HLA-DRB1: variants seen among roughly 807,000 people sequenced by gnomAD.
HLA-DRB1 encodes the protein major histocompatibility complex, class II, DR beta 1 precursor.
Under a neutral mutation model 27.9 loss-of-function variants are expected in HLA-DRB1, and 10 were observed. That is an observed-to-expected ratio of 0.36 (90% CI 0.22 to 0.61). HLA-DRB1 has a LOEUF of 0.61. HLA-DRB1 is among the 20% of genes least tolerant of loss of function. HLA-DRB1 has a pLI of 0.73. For missense variants in HLA-DRB1, 118 were observed against 306.3 expected (o/e 0.39, Z 4.59); for synonymous variants, 57 against 126.7 (o/e 0.45, Z 3.69).
Position 32,582,396 on chromosome 6 carries a change from C to T in HLA-DRB1, c.371-558G>A, listed in dbSNP as rs1303060014. On this transcript the variant is annotated intron_variant, in intron 2 of 5. Transcript: ENST00000360004. The stretch of plus-strand genomic sequence containing the variant: ...GCACTCATCACACTTGAGTGCTCCA[C>T]TTGGCACCTATTTATCATCCTTGTA... Among the ~76,000 whole-genome samples the T allele has an allele frequency of 7.3e-4, 90 of 123,514 alleles. 1 individual carries two copies. The highest frequency in any genetic ancestry group is 9.9e-4 in the Non-Finnish European group (59 of 59,422). 81.0% of individuals were successfully genotyped at this position (123,514 alleles called of 152,430 possible). A position where few individuals can be genotyped will look rare whatever the true frequency, so the allele number is the denominator to read the frequency against.
intron 1 of HLA-DRB1, among the ~76,000 whole-genome samples, chr6:32,585,345 A>C (rs1776243951): frequency 1.2e-5 from 1 of 82,990 alleles, no homozygotes; most frequent in Non-Finnish European, 2.5e-5. Context: ...CTCTATAATC[A>C]GAAAACCTGA....
At chr6:32,580,481 G>T (rs34961181) in intron 4 of HLA-DRB1, among the ~76,000 whole-genome samples, 40 of 116,408 alleles carry the variant, frequency 3.4e-4, no homozygotes, top group Admixed American at 9.2e-4. Context: ...TAGCCTTAGT[G>T]GCTCTTCCTT....
chr6:32,588,495 TAA>T (rs1776855766), intron 1 of HLA-DRB1, among the ~76,000 whole-genome samples: 6 of 69,412 alleles, frequency 8.6e-5, no homozygotes, highest in Admixed American at 1.7e-4. Flanking sequence ...CTCATAGTGC[TAA>T]GGTTCTGTGC....
intron 4 of HLA-DRB1, 81 bp downstream of exon 4, chr6:32,580,665 A>G (rs3828820): frequency 0.038 from 44,837 of 1,182,306 alleles, 28 homozygotes; most frequent in Admixed American, 0.078. Context: ...CCACTCATAT[A>G]CTGAGAACTA....
intron 1 of HLA-DRB1, among the ~76,000 whole-genome samples, chr6:32,587,014 C>A (rs113645514): frequency 1.3e-5 from 1 of 76,790 alleles, no homozygotes; most frequent in Non-Finnish European, 2.7e-5. Context: ...CCCTGCTGTG[C>A]TCCTAAATAG....
At chr6:32,586,248 A>AAG (rs1776373623) in intron 1 of HLA-DRB1, among the ~76,000 whole-genome samples, 1 of 71,406 alleles carries the variant, frequency 1.4e-5, no homozygotes, top group Admixed American at 1.7e-4. Flanking sequence ...CCAGAGAACA[A>AAG]TCCTTCCCTG....
intron 1 of HLA-DRB1, among the ~76,000 whole-genome samples, chr6:32,585,905 G>T (rs1399003276): frequency 7.4e-6 from 1 of 135,726 alleles, no homozygotes. Context: ...TATTGAAATT[G>T]AATACTGAAA....
Position 32,584,196 on chromosome 6 carries a change from C to A in HLA-DRB1, c.283G>T (p.Asp95Tyr). 3 of 1,399,456 alleles carry A rather than the reference C, an allele frequency of 2.1e-6. 1 individual carries two copies. The highest frequency in any genetic ancestry group is 2.4e-5 in the East Asian group (1 of 41,546). The allele number at this position is 1,399,456 out of a possible 1,614,324, so 86.7% of individuals were successfully genotyped here. A position where few individuals can be genotyped will look rare whatever the true frequency, so the allele number is the denominator to read the frequency against. The change falls in exon 2 of 6, where the codon GAC becomes TAC. Residue 95 changes from aspartate (D) to tyrosine (Y), a missense_variant. This residue lies in a region of HLA-DRB1 where 22 missense variants were observed against 21.0 expected (regional missense o/e 1.05). Transcript: ENST00000360004. ...GCGGCCCGCGCCTGCTCCAGGATGTCCTTCTGGCTGTTCCAGTACTCAGCG... is the reference window on the plus strand; with the variant it reads ...GCGGCCCGCGCCTGCTCCAGGATGTACTTCTGGCTGTTCCAGTACTCAGCG...
intron 2 of HLA-DRB1, among the ~76,000 whole-genome samples, chr6:32,582,334 G>A (rs111498499): frequency 0.12 from 15,401 of 126,934 alleles, 2,006 homozygotes; most frequent in Non-Finnish European, 0.13. Flanking sequence ...TTCAGTTTAT[G>A]AGGTCAGAAA....
intron 1 of HLA-DRB1, among the ~76,000 whole-genome samples, chr6:32,584,877 T>A (rs765511901): frequency 8.7e-6 from 1 of 115,556 alleles, no homozygotes; most frequent in Admixed American, 9.1e-5. Flanking sequence ...TGGGGGAGCT[T>A]AAAGAGCAGT....
Position 32,584,352 on chromosome 6 carries a change from C to G in HLA-DRB1, c.127G>C (p.Glu43Gln). ...TCCGTCCCATTGAAGAAATGACACTCCCTCTTAGGCTGCCACAGGAAACGT... is the reference window on the plus strand; with the variant it reads ...TCCGTCCCATTGAAGAAATGACACTGCCTCTTAGGCTGCCACAGGAAACGT... Residue 43 changes from glutamate (E) to glutamine (Q), a missense_variant, in exon 2 of 6, where the codon GAG becomes CAG. Coordinates refer to ENST00000360004, the Ensembl canonical transcript of HLA-DRB1. 2 of 831,492 alleles carry G rather than the reference C, an allele frequency of 2.4e-6. 1 individual carries two copies. Among genetic ancestry groups the G allele is most frequent in the African/African-American group, 4.1e-5 (2 of 48,404 alleles). 51.5% of individuals were successfully genotyped at this position (831,492 alleles called of 1,614,324 possible).
intron 1 of HLA-DRB1, among the ~76,000 whole-genome samples, chr6:32,587,255 G>A (rs9270123): frequency 0.32 from 16,347 of 51,372 alleles, 7,038 homozygotes; most frequent in Non-Finnish European, 0.35. Context: ...GGTGGCATGC[G>A]CCTGTGGCCC....
At chr6:32,583,501 G>C (rs9269904) in intron 2 of HLA-DRB1, among the ~76,000 whole-genome samples, 23,814 of 49,586 alleles carry the variant, frequency 0.48, 10,196 homozygotes, top group Admixed American at 0.53. Context: ...AAAAAACTAG[G>C]AAGAAATTTA....
rs201755843 is a variant in HLA-DRB1 at position 32,579,376 on chromosome 6, G to A, written c.788-272C>T. On this transcript the variant is annotated intron_variant, in intron 5 of 5. Coordinates refer to ENST00000360004, the Ensembl canonical transcript of HLA-DRB1. ...CTCTACCATCATTCTGGTGTGTCCT[G>A]AGTTTGTTCCTTCCGGTGGGTTTGT... 4.6e-3 allele frequency among the ~76,000 whole-genome samples: 336 copies of A among 73,078 alleles called. 18 individuals carry two copies. The highest frequency in any genetic ancestry group is 0.018 in the South Asian group (39 of 2,166). 47.9% of individuals were successfully genotyped at this position (73,078 alleles called of 152,430 possible).
At position 32,579,224 on chromosome 6, in the gene HLA-DRB1, C is replaced by T. The variant is rs1581754780; in HGVS notation, c.788-120G>A. On this transcript the variant is annotated intron_variant, in intron 5 of 5. Coordinates refer to ENST00000360004, the Ensembl canonical transcript of HLA-DRB1. ...AGAAGAAAAAGAAGTTCCTGAGTCTCCCCTGAGCCAATAGTCCCGCAGAGC... is the reference window on the plus strand; with the variant it reads ...AGAAGAAAAAGAAGTTCCTGAGTCTTCCCTGAGCCAATAGTCCCGCAGAGC... 1.2e-5 allele frequency: 2 copies of T among 165,576 alleles called. 1 individual carries two copies. Among genetic ancestry groups the T allele is most frequent in the Non-Finnish European group, 1.9e-5 (2 of 107,276 alleles). 10.3% of individuals were successfully genotyped at this position (165,576 alleles called of 1,614,324 possible).
chr6:32,580,890 T>C (rs28732284), intron 3 of HLA-DRB1, 34 bp from the exon 4 acceptor site: 217,529 of 1,266,360 alleles, frequency 0.17, 18,454 homozygotes, highest in Admixed American at 0.23. Flanking sequence ...TGATGTTTAT[T>C]CCAAATTGAA....
At chr6:32,584,766 A>C (rs1776152788) in intron 1 of HLA-DRB1, among the ~76,000 whole-genome samples, 1 of 73,552 alleles carries the variant, frequency 1.4e-5, no homozygotes, top group Non-Finnish European at 2.7e-5. Flanking sequence ...AACAGCACCC[A>C]CCGCGTTCAC....
At chr6:32,588,789 A>AC (rs9281888) in intron 1 of HLA-DRB1, among the ~76,000 whole-genome samples, 39,862 of 77,634 alleles carry the variant, frequency 0.51, 12,946 homozygotes, top group Middle Eastern at 0.63. Flanking sequence ...TTTTTGACTT[A>AC]AAAAATAGAA....
rs191078293 is a variant in HLA-DRB1 at position 32,579,713 on chromosome 6, A to G, written c.787+534T>C. 3.3e-5 allele frequency among the ~76,000 whole-genome samples: 2 copies of G among 61,176 alleles called. 1 individual carries two copies. Among genetic ancestry groups the G allele is most frequent in the African/African-American group, 1.4e-4 (2 of 14,756 alleles). The allele number at this position is 61,176 out of a possible 152,430, so 40.1% of individuals were successfully genotyped here. A position where few individuals can be genotyped will look rare whatever the true frequency, so the allele number is the denominator to read the frequency against. On this transcript the variant is annotated intron_variant, in intron 5 of 5. Coordinates refer to ENST00000360004, the Ensembl canonical transcript of HLA-DRB1. ...CATTTTAAAGAGTGCTGATTGGTCT[A>G]TTTTACAGAGTGCGAATTGGTCCAT...
Sources: gnomAD v4.1 joint callset for allele counts (sites outside exome capture counted in the v4.1 genomes callset) on GRCh38, gnomAD v4.1.1 for gene constraint, gnomAD v4.1.1 regional missense constraint, MANE v1.5 for transcripts, NCBI Gene and HGNC (gene_info 2026-07-23, HGNC 2026-07-21) for gene names.